The following BAIAP2 variants were observed in gnomAD, a reference collection of about 807,000 sequenced individuals.
BAIAP2 encodes BAR/IMD domain containing adaptor protein 2.
BAIAP2 carries 18 observed loss-of-function variants against 63.0 expected under a neutral mutation model. The observed-to-expected ratio is 0.29, with a 90% confidence interval of 0.20 to 0.42. The LOEUF (loss-of-function observed/expected upper bound fraction) is 0.42. Ranked by LOEUF, BAIAP2 falls within the 10% of genes least tolerant of loss-of-function variation. The pLI is 1.00. For missense variants in BAIAP2, 610 were observed against 734.3 expected (o/e 0.83, Z 1.96); for synonymous variants, 386 against 307.6 (o/e 1.25, Z -2.67).
At chr17:81,038,551 A>G (rs918895048) in intron 1 of BAIAP2, among the ~76,000 whole-genome samples, 6 of 152,188 alleles carry the variant, frequency 3.9e-5, no homozygotes, top group Admixed American at 3.9e-4. Context: ...TGGTCACTCT[A>G]GCAGCTGGTG....
At chr17:81,072,057 G>T (rs1292399278) in intron 3 of BAIAP2, among the ~76,000 whole-genome samples, 1 of 152,184 alleles carries the variant, frequency 6.6e-6, no homozygotes, top group Admixed American at 6.5e-5. Flanking sequence ...TGGTCCTGTT[G>T]CTCCTCCTTC....
intron 3 of BAIAP2, among the ~76,000 whole-genome samples, chr17:81,060,774 C>T (rs944198837): frequency 2.0e-5 from 3 of 152,152 alleles, no homozygotes; most frequent in South Asian, 2.1e-4. Context: ...AGAGGCGGCT[C>T]CCTCGGCTGC....
chr17:81,057,010 G>A (rs1390448033), intron 2 of BAIAP2, among the ~76,000 whole-genome samples: 1 of 152,264 alleles, frequency 6.6e-6, no homozygotes, highest in Non-Finnish European at 1.5e-5. Flanking sequence ...GTCTTGTGCC[G>A]CAGAACAAAT....
intron 13 of BAIAP2, among the ~76,000 whole-genome samples, chr17:81,115,210 C>T (rs908025446): frequency 1.3e-5 from 2 of 152,258 alleles, no homozygotes; most frequent in Non-Finnish European, 2.9e-5. Context: ...GAACCACTGT[C>T]TGGCCCAGGG....
intron 3 of BAIAP2, among the ~76,000 whole-genome samples, chr17:81,084,487 G>A (rs1346457996): frequency 6.6e-6 from 1 of 152,146 alleles, no homozygotes; most frequent in Non-Finnish European, 1.5e-5. Context: ...ACGACAGCCG[G>A]ATGCGTATGA....
At chr17:81,071,409 A>AG (rs1179656605) in intron 3 of BAIAP2, among the ~76,000 whole-genome samples, 2 of 152,236 alleles carry the variant, frequency 1.3e-5, no homozygotes, top group Admixed American at 6.5e-5. Flanking sequence ...TGAGCTCTCG[A>AG]GGTGCCTTTG....
At chr17:81,072,011 C>A (rs1346253861) in intron 3 of BAIAP2, among the ~76,000 whole-genome samples, 1 of 152,262 alleles carries the variant, frequency 6.6e-6, no homozygotes, top group Non-Finnish European at 1.5e-5. Flanking sequence ...GCCTCCCCGG[C>A]CTTCCCAGTC....
chr17:81,079,706 C>T (rs905559171), intron 3 of BAIAP2, among the ~76,000 whole-genome samples: 8 of 152,218 alleles, frequency 5.3e-5, no homozygotes, highest in South Asian at 2.1e-4. Flanking sequence ...CTGATGGCGA[C>T]GGCTCTGCCG....
intron 2 of BAIAP2, chr17:81,057,462 C>A: frequency 5.9e-6 from 1 of 169,324 alleles, no homozygotes; most frequent in Non-Finnish European, 1.2e-5. Flanking sequence ...CCACTCCAGG[C>A]TCAGCTTGGG....
chr17:81,103,717 C>T lies in BAIAP2; in HGVS notation c.858C>T (p.Phe286=), dbSNP rs200210885. 20 of 1,385,560 alleles carry T rather than the reference C, an allele frequency of 1.4e-5. No individual in the cohort carries two copies. The highest frequency in any genetic ancestry group is 2.0e-5 in the Admixed American group (1 of 51,218). 85.8% of individuals were successfully genotyped at this position (1,385,560 alleles called of 1,614,324 possible). Residue 286 remains phenylalanine, a synonymous_variant, in exon 8 of 14, where the codon TTC becomes TTT. Transcript: ENST00000428708. The part of the protein sequence containing the change: ...PLPVPPELAP[F]VGRMSAQEST... ...CGGTGCCCCCCGAGCTGGCACCGTT[C>T]GTGGGGGTGAGTCTGTGGCCTCTGG...
chr17:81,110,136 G>A, intron 13 of BAIAP2: 1 of 985,638 alleles, frequency 1.0e-6, no homozygotes, highest in Non-Finnish European at 1.2e-6. Flanking sequence ...GGGAGCCCCT[G>A]GGAAGCTGCG....
At chr17:81,088,074 T>C (rs2056021800) in intron 6 of BAIAP2, among the ~76,000 whole-genome samples, 1 of 152,054 alleles carries the variant, frequency 6.6e-6, no homozygotes, top group Non-Finnish European at 1.5e-5. Flanking sequence ...CTGTTTTTCT[T>C]CTTCCTCCCA....
chr17:81,086,604 G>T, intron 6 of BAIAP2, 24 bp downstream of exon 6: 1 of 1,611,612 alleles, frequency 6.2e-7, no homozygotes, highest in Non-Finnish European at 8.5e-7. Flanking sequence ...CCCCGCTGTG[G>T]TGCCTCTCCT....
chr17:81,035,425 G>T (rs1468944412), intron 1 of BAIAP2, 117 bp downstream of exon 1: 3 of 465,010 alleles, frequency 6.5e-6, no homozygotes, highest in Non-Finnish European at 8.5e-6. Context: ...CCAGGAGGCT[G>T]GGACTTTGGG....
intron 13 of BAIAP2, 161 bp downstream of exon 13, chr17:81,108,670 G>T: frequency 1.0e-6 from 1 of 980,250 alleles, no homozygotes; most frequent in Non-Finnish European, 1.5e-6. Flanking sequence ...AGGGCGTCCT[G>T]CTTTCTCCGA....
chr17:81,070,903 G>C (rs947173162), intron 3 of BAIAP2, among the ~76,000 whole-genome samples: 3 of 152,188 alleles, frequency 2.0e-5, no homozygotes, highest in Non-Finnish European at 4.4e-5. Flanking sequence ...CGGCGGGTTG[G>C]AGTGGTGGCT....
At chr17:81,045,085 C>T (rs770592381) in intron 1 of BAIAP2, among the ~76,000 whole-genome samples, 2 of 152,242 alleles carry the variant, frequency 1.3e-5, no homozygotes, top group Non-Finnish European at 2.9e-5. Context: ...GCTGCGGCTC[C>T]TCCTGCGTGG....
At chr17:81,055,574 G>GTTTTTTGTTTTTTTTCGTTTTT (rs370775327) in intron 2 of BAIAP2, among the ~76,000 whole-genome samples, 1 of 123,406 alleles carries the variant, frequency 8.1e-6, no homozygotes, top group African/African-American at 2.9e-5. Context: ...AGGGTGTTTT[G>GTTTTTTGTTTTTTTTCGTTTTT]TTTTTTTTTG....
intron 3 of BAIAP2, among the ~76,000 whole-genome samples, chr17:81,075,503 A>C (rs773699354): frequency 5.3e-5 from 8 of 152,188 alleles, no homozygotes; most frequent in Non-Finnish European, 1.2e-4. Flanking sequence ...TGCTGTCTTC[A>C]GGGATGAGCA....
Sources: allele counts gnomAD v4.1 joint callset (sites outside exome capture counted in the v4.1 genomes callset), GRCh38; gene constraint gnomAD v4.1.1; transcripts MANE v1.5; gene names NCBI Gene and HGNC (gene_info 2026-07-23, HGNC 2026-07-21).